The following LRP1B variants were observed in gnomAD, a reference collection of about 807,000 sequenced individuals.
LRP1B encodes LDL receptor related protein 1B, also known as low-density lipoprotein receptor-related protein 1B.
Under a neutral mutation model 556.6 loss-of-function variants are expected in LRP1B, and 217 were observed. The ratio of observed to expected loss-of-function variants is 0.39; its 90% CI spans 0.35 to 0.44. LRP1B has a LOEUF of 0.44. Among genes scored for constraint, LRP1B ranks in the 20% least tolerant of loss-of-function variants. The pLI is 1.00. For missense variants in LRP1B, 5,053 were observed against 5,620.8 expected (o/e 0.90, Z 3.23); for synonymous variants, 2,047 against 1,865.8 (o/e 1.10, Z -2.50).
At chr2:141,270,413 A>G (rs1395892746) in intron 3 of LRP1B, among the ~76,000 whole-genome samples, 1 of 152,098 alleles carries the variant, frequency 6.6e-6, no homozygotes, top group African/African-American at 2.4e-5. Context: ...ATGATATGAT[A>G]CACTATTCCA....
intron 16 of LRP1B, 150 bp downstream of exon 16, chr2:140,993,845 C>T: frequency 2.8e-6 from 2 of 713,160 alleles, no homozygotes; most frequent in Non-Finnish European, 4.6e-6. Flanking sequence ...AATCTATGGT[C>T]TACTCTTTAT....
rs139664930 is a variant in LRP1B, at chr2:140,403,110, G to A, written c.10415-17101C>T. 3.5e-3 allele frequency among the ~76,000 whole-genome samples: 525 copies of A among 151,630 alleles called. 4 individuals carry two copies. The highest frequency in any genetic ancestry group is 0.012 in the African/African-American group (508 of 41,314). ...AAACCTTAAAGTCATATACTTACGGGGAGAAAAGAAAGAAAAAAAATGGTC... is the reference window on the plus strand; with the variant it reads ...AAACCTTAAAGTCATATACTTACGGAGAGAAAAGAAAGAAAAAAAATGGTC... On this transcript the variant is annotated intron_variant, in intron 66 of 90. Coordinates refer to ENST00000389484, the MANE Select transcript of LRP1B (RefSeq NM_018557.3).
chr2:142,052,034 A>G (rs1310530897), intron 1 of LRP1B, among the ~76,000 whole-genome samples: 1 of 152,102 alleles, frequency 6.6e-6, no homozygotes, highest in East Asian at 1.9e-4. Context: ...GAATTTTGGA[A>G]CCTTAGTTTA....
intron 1 of LRP1B, among the ~76,000 whole-genome samples, chr2:142,078,509 G>C (rs1705593317): frequency 6.6e-6 from 1 of 151,938 alleles, no homozygotes. Context: ...TTAAGATTTG[G>C]GCTTGGCACT....
At chr2:141,361,533 C>T (rs190798970) in intron 3 of LRP1B, among the ~76,000 whole-genome samples, 78 of 151,840 alleles carry the variant, frequency 5.1e-4, no homozygotes, top group Admixed American at 3.7e-3. Context: ...TTTTAAAAAC[C>T]CTAAAGATTA....
At chr2:141,896,462 C>T (rs772930327) in intron 1 of LRP1B, among the ~76,000 whole-genome samples, 2 of 152,244 alleles carry the variant, frequency 1.3e-5, no homozygotes, top group South Asian at 2.1e-4. Context: ...TGCTATATAA[C>T]TCTATACATG....
At chr2:141,549,748 G>C (rs142211562) in intron 2 of LRP1B, among the ~76,000 whole-genome samples, 226 of 152,292 alleles carry the variant, frequency 1.5e-3, no homozygotes, top group African/African-American at 5.2e-3. Context: ...TGTTATCCCA[G>C]CACTTTGGGA....
intron 18 of LRP1B, among the ~76,000 whole-genome samples, chr2:140,970,585 A>T (rs2105328468): frequency 6.6e-6 from 1 of 152,148 alleles, no homozygotes; most frequent in South Asian, 2.1e-4. Flanking sequence ...CCTCAGTTGG[A>T]AATGCAGAAA....
chr2:141,136,583 T>C (rs1311915239), intron 7 of LRP1B, among the ~76,000 whole-genome samples: 2 of 148,634 alleles, frequency 1.3e-5, no homozygotes, highest in Non-Finnish European at 3.0e-5. Flanking sequence ...GTTTCTACTA[T>C]GTACCAGGCA....
intron 77 of LRP1B, among the ~76,000 whole-genome samples, chr2:140,336,797 T>C (rs77921083): frequency 6.6e-6 from 1 of 152,006 alleles, no homozygotes; most frequent in South Asian, 2.1e-4. Context: ...ACTTATTTTC[T>C]GTGCCCTTCA....
chr2:141,802,296 G>T (rs1027395130), intron 2 of LRP1B, among the ~76,000 whole-genome samples: 4 of 151,990 alleles, frequency 2.6e-5, no homozygotes, highest in African/African-American at 4.8e-5. Context: ...TCCCTCCCAA[G>T]GTATCTTTCT....
chr2:140,335,501 G>T, intron 78 of LRP1B, 114 bp downstream of exon 78: 1 of 682,116 alleles, frequency 1.5e-6, no homozygotes, highest in Non-Finnish European at 2.6e-6. Context: ...ATATTTAAAA[G>T]CATGTGACAC....
At chr2:141,460,435 A>T (rs1681819641) in intron 3 of LRP1B, among the ~76,000 whole-genome samples, 1 of 152,180 alleles carries the variant, frequency 6.6e-6, no homozygotes, top group African/African-American at 2.4e-5. Context: ...CAGTAATTGG[A>T]GATGAGGTCA....
At chr2:140,276,168 T>C (rs915935135) in intron 84 of LRP1B, among the ~76,000 whole-genome samples, 6 of 152,180 alleles carry the variant, frequency 3.9e-5, no homozygotes, top group African/African-American at 1.2e-4. Flanking sequence ...TCCTGCTATA[T>C]TGACAATTAT....
chr2:140,547,522 T>C (rs1174950598), intron 43 of LRP1B, among the ~76,000 whole-genome samples: 1 of 152,122 alleles, frequency 6.6e-6, no homozygotes, highest in Non-Finnish European at 1.5e-5. Context: ...TTTCTAATTG[T>C]TTATTTGGAT....
chr2:140,796,848 T>TAA, intron 32 of LRP1B, among the ~76,000 whole-genome samples: 1 of 152,144 alleles, frequency 6.6e-6, no homozygotes, highest in Middle Eastern at 3.2e-3. Flanking sequence ...AATTAATCGC[T>TAA]AGATCTTTCA....
At chr2:141,466,434 T>C (rs62168044) in intron 3 of LRP1B, among the ~76,000 whole-genome samples, 8,780 of 152,308 alleles carry the variant, frequency 0.058, 309 homozygotes, top group Non-Finnish European at 0.067. Flanking sequence ...CATTATCTTC[T>C]TCTTCCAAAT....
intron 7 of LRP1B, among the ~76,000 whole-genome samples, chr2:141,182,915 T>C (rs1423130642): frequency 6.6e-6 from 1 of 151,952 alleles, no homozygotes; most frequent in African/African-American, 2.4e-5. Context: ...ATAAGCATTT[T>C]AAAAGTTTAA....
At chr2:141,184,026 C>T (rs1426186059) in intron 7 of LRP1B, among the ~76,000 whole-genome samples, 1 of 152,026 alleles carries the variant, frequency 6.6e-6, no homozygotes, top group African/African-American at 2.4e-5. Flanking sequence ...CTGAGGGCCA[C>T]AGCTTAGGAA....
Sources: allele counts gnomAD v4.1 joint callset (sites outside exome capture counted in the v4.1 genomes callset), GRCh38; gene constraint gnomAD v4.1.1; transcripts MANE v1.5; gene names NCBI Gene and HGNC (gene_info 2026-07-23, HGNC 2026-07-21).